UGT2B7: variants seen among roughly 807,000 people sequenced by gnomAD.
The protein encoded by UGT2B7 is UDP-glucuronosyltransferase 2B7.
Under a neutral mutation model 51.9 loss-of-function variants are expected in UGT2B7, and 51 were observed. The ratio of observed to expected loss-of-function variants is 0.98; its 90% CI spans 0.78 to 1.24. The LOEUF (loss-of-function observed/expected upper bound fraction) is 1.24, where lower values mean the gene tolerates loss of function less well. Among genes scored for constraint, UGT2B7 ranks in the 50% most tolerant of loss-of-function variants. UGT2B7 has a pLI of 0.00. For synonymous variants in UGT2B7, 225 were observed against 211.6 expected (o/e 1.06, Z -0.55); for missense variants, 727 against 628.4 (o/e 1.16, Z -1.68).
chr4:69,112,263 C>T (rs1193298046), intron 5 of UGT2B7, among the ~76,000 whole-genome samples, 194 bp from the exon 6 acceptor site: 3 of 152,184 alleles, frequency 2.0e-5, no homozygotes, highest in Non-Finnish European at 4.4e-5. Context: ...TCATGACCCT[C>T]TCACGCAGAC....
intron 1 of UGT2B7, among the ~76,000 whole-genome samples, chr4:69,052,060 G>A (rs1376806736): frequency 1.3e-5 from 2 of 152,118 alleles, no homozygotes; most frequent in African/African-American, 4.8e-5. Context: ...TTCAAGAAAG[G>A]ATTTAATGGA....
rs111541856 is a variant in UGT2B7 at position 69,106,852 on chromosome 4, C to CT, written c.1003-317dup. On this transcript the variant is annotated intron_variant, in intron 3 of 5. Coordinates refer to ENST00000305231, the MANE Select transcript of UGT2B7 (RefSeq NM_001074.4). The stretch of plus-strand genomic sequence containing the variant: ...TTTGCATTTCTCTAATGATGTTAAG[C>CT]TTTTTTCTTTTTTTTTTTCATATGA... Among the ~76,000 whole-genome samples, 847 of 141,256 alleles carry CT rather than the reference C, an allele frequency of 6.0e-3. 3 individuals are homozygous for CT. The highest frequency in any genetic ancestry group is 0.021 in the African/African-American group (819 of 38,176). 92.7% of individuals were successfully genotyped at this position (141,256 alleles called of 152,430 possible). A position where few individuals can be genotyped will look rare whatever the true frequency, so the allele number is the denominator to read the frequency against.
chr4:69,084,661 C>T (rs1178189717), intron 1 of UGT2B7, among the ~76,000 whole-genome samples: 1 of 152,024 alleles, frequency 6.6e-6, no homozygotes, highest in African/African-American at 2.4e-5. Context: ...TGTATCCCTC[C>T]ATGTGTCCAT....
intron 1 of UGT2B7, among the ~76,000 whole-genome samples, chr4:69,059,213 T>G (rs541547374): frequency 6.6e-6 from 1 of 152,166 alleles, no homozygotes; most frequent in Admixed American, 6.5e-5. Flanking sequence ...AGCTAAACAC[T>G]CAGTAGTGAC....
chr4:69,112,626 A>C lies in UGT2B7; in HGVS notation c.1480A>C (p.Ile494Leu). The change falls in exon 6 of 6, where the codon ATT (isoleucine) becomes CTT (leucine). Residue 494 changes from isoleucine (I) to leucine (L), a missense_variant. Ile to Leu is a conservative substitution (Grantham distance 5). Coordinates refer to ENST00000305231, the MANE Select transcript of UGT2B7 (RefSeq NM_001074.4). ...TWFQYHSLDV[I>L]GFLLVCVATV... is the part of the protein sequence containing the mutation. ...GTTCCAGTACCACTCTTTGGATGTG[A>C]TTGGGTTCCTGCTGGTCTGTGTGGC... 6.2e-7 allele frequency: 1 copy of C among 1,613,890 alleles called. No homozygotes were observed. Among genetic ancestry groups the C allele is most frequent in the East Asian group, 2.2e-5 (1 of 44,862 alleles).
Position 69,112,522 on chromosome 4 carries a change from G to C in UGT2B7, c.1376G>C (p.Arg459Pro), listed in dbSNP as rs371597113. ...GATCAACCAGTGAAGCCCCTGGATC[G>C]AGCAGTCTTCTGGATTGAATTTGTC... Reference protein sequence around the residue: ...QHDQPVKPLDRAVFWIEFVMR... With the variant: ...QHDQPVKPLDPAVFWIEFVMR... The change falls in exon 6 of 6, where the codon CGA becomes CCA. Residue 459 changes from arginine to proline, a missense_variant. Arg to Pro is a moderately radical substitution (Grantham distance 103). Coordinates refer to ENST00000305231, the MANE Select transcript of UGT2B7 (RefSeq NM_001074.4). 6 of 1,613,784 alleles carry C rather than the reference G, an allele frequency of 3.7e-6. No homozygotes were observed. In the Admixed American group the frequency reaches 6.7e-5, roughly 18 times the overall value.
At chr4:69,067,430 C>A (rs1047090082) in intron 1 of UGT2B7, 1 of 159,388 alleles carries the variant, frequency 6.3e-6, no homozygotes. Flanking sequence ...GCTTTTATAA[C>A]TCATGATGGA....
intron 1 of UGT2B7, among the ~76,000 whole-genome samples, chr4:69,053,425 C>A (rs1393075663): frequency 6.6e-6 from 1 of 152,154 alleles, no homozygotes; most frequent in African/African-American, 2.4e-5. Flanking sequence ...TGAAATAGAT[C>A]AAATATTCCA....
intron 1 of UGT2B7, among the ~76,000 whole-genome samples, chr4:69,070,431 C>G (rs1462186367): frequency 7.8e-6 from 1 of 127,762 alleles, no homozygotes; most frequent in Non-Finnish European, 1.6e-5. Flanking sequence ...ATATGTGTCC[C>G]TGTCAGAAAA....
intron 5 of UGT2B7, among the ~76,000 whole-genome samples, chr4:69,112,147 A>T (rs1395659661): frequency 6.6e-6 from 1 of 152,202 alleles, no homozygotes; most frequent in Non-Finnish European, 1.5e-5. Flanking sequence ...TATAGATTCC[A>T]GACATTGTAT....
intron 1 of UGT2B7, among the ~76,000 whole-genome samples, chr4:69,071,894 T>C (rs1268674282): frequency 6.6e-6 from 1 of 152,090 alleles, no homozygotes; most frequent in African/African-American, 2.4e-5. Context: ...TAGCTCAACA[T>C]GTACTACACA....
At chr4:69,052,111 T>C (rs1055934979) in intron 1 of UGT2B7, among the ~76,000 whole-genome samples, 1 of 152,068 alleles carries the variant, frequency 6.6e-6, no homozygotes, top group Admixed American at 6.5e-5. Context: ...CTTAGAGCTT[T>C]GTGTGAAATA....
intron 1 of UGT2B7, among the ~76,000 whole-genome samples, chr4:69,071,306 T>C (rs767732639): frequency 3.3e-5 from 5 of 152,080 alleles, no homozygotes; most frequent in Non-Finnish European, 5.9e-5. Context: ...ATATACAAAC[T>C]AGAAATGTAT....
chr4:69,061,378 A>G (rs1718343271), intron 1 of UGT2B7, among the ~76,000 whole-genome samples: 1 of 152,210 alleles, frequency 6.6e-6, no homozygotes, highest in Non-Finnish European at 1.5e-5. Flanking sequence ...AAAGGCAGGA[A>G]CATTAGAGGC....
chr4:69,062,237 AC>A (rs1173867011), intron 1 of UGT2B7, among the ~76,000 whole-genome samples: 1 of 152,132 alleles, frequency 6.6e-6, no homozygotes. Context: ...CCCCCACAAA[AC>A]AAACCACACT....
At chr4:69,108,572 C>T (rs576914676) in intron 5 of UGT2B7, among the ~76,000 whole-genome samples, 95 of 151,792 alleles carry the variant, frequency 6.3e-4, no homozygotes, top group Non-Finnish European at 8.0e-4. Flanking sequence ...ATAGATAATA[C>T]AAAAAATACA....
intron 5 of UGT2B7, among the ~76,000 whole-genome samples, chr4:69,111,957 A>T (rs114549958): frequency 0.021 from 3,150 of 152,276 alleles, 110 homozygotes; most frequent in African/African-American, 0.072. Context: ...CAGGCAAATT[A>T]ACTTACTTTC....
upstream of UGT2B7, among the ~76,000 whole-genome samples, chr4:69,093,194 G>A (rs1332587975): frequency 6.6e-6 from 1 of 152,188 alleles, no homozygotes; most frequent in African/African-American, 2.4e-5. Flanking sequence ...CCAGTGAGGT[G>A]GAACAGGATC....
At chr4:69,079,956 T>A (rs547610761) in intron 1 of UGT2B7, among the ~76,000 whole-genome samples, 5 of 152,270 alleles carry the variant, frequency 3.3e-5, no homozygotes, top group South Asian at 2.1e-4. Context: ...CAAATATTTT[T>A]AAATACTTCA....
Sources: allele counts gnomAD v4.1 joint callset (sites outside exome capture counted in the v4.1 genomes callset), GRCh38; gene constraint gnomAD v4.1.1; transcripts MANE v1.5; gene names NCBI Gene and HGNC (gene_info 2026-07-23, HGNC 2026-07-21).